KCNK2: variants seen among roughly 807,000 people sequenced by gnomAD.
KCNK2 encodes potassium two pore domain channel subfamily K member 2.
KCNK2 carries 21 observed loss-of-function variants against 40.5 expected under a neutral mutation model. The ratio of observed to expected loss-of-function variants is 0.52; its 90% CI spans 0.37 to 0.75. KCNK2 has a LOEUF of 0.75. Ranked by LOEUF, KCNK2 falls within the 30% of genes least tolerant of loss-of-function variation. The probability of loss-of-function intolerance (pLI) is 0.00; values close to 1 mark genes in which losing one functional copy is unlikely to be tolerated. For synonymous variants in KCNK2, 191 were observed against 202.2 expected (o/e 0.94, Z 0.47); for missense variants, 399 against 531.6 (o/e 0.75, Z 2.45).
rs76793973 is a variant in KCNK2, at chr1:215,073,256, C to T, written c.35-13112C>T. Among the ~76,000 whole-genome samples the T allele has an allele frequency of 5.3e-4, 81 of 152,246 alleles. No individual in the cohort carries two copies. In the East Asian group the frequency reaches 0.01, roughly 20 times the overall value. On this transcript the variant is annotated intron_variant, in intron 1 of 6. Coordinates refer to the KCNK2 transcript ENST00000391895. ...ACACCTGAATTCCTGACTTCTACTC[C>T]GCAGACCACATGTTTCTGTTACTTC...
At chr1:215,120,465 C>T (rs886484888) in intron 2 of KCNK2, among the ~76,000 whole-genome samples, 21 of 152,078 alleles carry the variant, frequency 1.4e-4, no homozygotes, top group African/African-American at 3.4e-4. Flanking sequence ...AAGAAATGTA[C>T]GTAAAATCTA....
At chr1:215,231,844 G>C (rs1347452684) in intron 6 of KCNK2, among the ~76,000 whole-genome samples, 1 of 152,152 alleles carries the variant, frequency 6.6e-6, no homozygotes, top group Non-Finnish European at 1.5e-5. Context: ...AGAGCAAAGG[G>C]ACTTCTTACG....
intron 6 of KCNK2, among the ~76,000 whole-genome samples, chr1:215,199,233 G>A (rs924406045): frequency 9.2e-5 from 14 of 151,848 alleles, no homozygotes; most frequent in South Asian, 2.1e-4. Context: ...GCTTGGACCC[G>A]GGGAGGCAGA....
At chr1:215,197,227 G>C (rs1015244) in intron 6 of KCNK2, among the ~76,000 whole-genome samples, 14,396 of 152,200 alleles carry the variant, frequency 0.095, 1,058 homozygotes, top group African/African-American at 0.21. Flanking sequence ...CTGGGTCAAA[G>C]AATTAGCATA....
intron 1 of KCNK2, among the ~76,000 whole-genome samples, chr1:215,049,485 T>C (rs182875254): frequency 9.9e-5 from 15 of 152,276 alleles, no homozygotes; most frequent in African/African-American, 3.4e-4. Context: ...TGAACAAAAG[T>C]TGATAATTTT....
At chr1:215,078,221 C>A (rs1558079564), upstream of KCNK2, among the ~76,000 whole-genome samples, 1 of 152,196 alleles carries the variant, frequency 6.6e-6, no homozygotes, top group African/African-American at 2.4e-5. Flanking sequence ...CTGCAGGCCG[C>A]AGGCTGGACA....
intron 6 of KCNK2, among the ~76,000 whole-genome samples, chr1:215,208,205 T>C (rs1484626947): frequency 6.6e-6 from 1 of 152,160 alleles, no homozygotes; most frequent in Non-Finnish European, 1.5e-5. Context: ...ATGTCTTTTG[T>C]GGGAACATGG....
At position 215,086,641 on chromosome 1, in the gene KCNK2, C is replaced by G; in HGVS notation, c.320C>G (p.Ser107Cys). The stretch of plus-strand genomic sequence containing the variant: ...AAGCAAACATTCATATCCCAACATT[C>G]CTGTGTCAATTCGACGGAGCTGGAT... ...IQKQTFISQH[S>C]CVNSTELDEL... Residue 107 changes from serine to cysteine, a missense_variant, in exon 2 of 7, where the codon TCC (serine) becomes TGC (cysteine). Ser to Cys is a moderately radical substitution (Grantham distance 112). Around this residue, in one of 3 missense-constraint regions of KCNK2, gnomAD observed 279 missense variants for 353.8 expected, o/e 0.79. Coordinates refer to ENST00000444842, the MANE Select transcript of KCNK2 (RefSeq NM_001017425.3). 6.2e-7 allele frequency: 1 copy of G among 1,614,132 alleles called. No individual in the cohort carries two copies. The highest frequency in any genetic ancestry group is 1.3e-5 in the African/African-American group (1 of 75,050).
chr1:215,112,843 G>A lies in KCNK2; in HGVS notation c.358-11790G>A, dbSNP rs1339431936. 2.6e-5 allele frequency among the ~76,000 whole-genome samples: 4 copies of A among 152,242 alleles called. No homozygotes were observed. The East Asian group carries it at 7.7e-4, about 29-fold the overall frequency. On this transcript the variant is annotated intron_variant, in intron 2 of 6. Transcript: ENST00000444842. ...TAGCCTAGGTGTGCAGTAGGCTATC[G>A]CATCTAGGTTTGTGGAAGTACTCTC...
chr1:215,065,483 T>G (rs1214733304), intron 1 of KCNK2, among the ~76,000 whole-genome samples: 1 of 152,266 alleles, frequency 6.6e-6, no homozygotes, highest in Admixed American at 6.5e-5. Flanking sequence ...ATTGGAGCAT[T>G]TAGGACCTCA....
chr1:215,051,785 A>G (rs1657999069), intron 1 of KCNK2, among the ~76,000 whole-genome samples: 1 of 152,176 alleles, frequency 6.6e-6, no homozygotes, highest in Admixed American at 6.5e-5. Context: ...AATCATGTCA[A>G]GAAAGTAGTA....
chr1:215,210,372 G>T (rs1468272912), intron 6 of KCNK2, among the ~76,000 whole-genome samples: 2 of 151,554 alleles, frequency 1.3e-5, no homozygotes. Context: ...AGCAGGGCAG[G>T]GTAAGAATTG....
At chr1:215,066,608 C>T (rs909787455) in intron 1 of KCNK2, among the ~76,000 whole-genome samples, 1 of 152,152 alleles carries the variant, frequency 6.6e-6, no homozygotes, top group African/African-American at 2.4e-5. Flanking sequence ...TTCAAGCCTG[C>T]CTCTCATTTC....
intron 3 of KCNK2, among the ~76,000 whole-genome samples, chr1:215,159,993 T>G (rs1480046700): frequency 6.6e-6 from 1 of 152,146 alleles, no homozygotes; most frequent in African/African-American, 2.4e-5. Flanking sequence ...CTGCCCTCCA[T>G]TCTTCAAAAA....
At chr1:215,206,270 C>A (rs1665311354) in intron 6 of KCNK2, among the ~76,000 whole-genome samples, 1 of 152,042 alleles carries the variant, frequency 6.6e-6, no homozygotes, top group Non-Finnish European at 1.5e-5. Flanking sequence ...CAATGCATAT[C>A]AAAGCATTCA....
chr1:215,124,603 G>T, intron 2 of KCNK2, 30 bp from the exon 3 acceptor site: 1 of 1,270,524 alleles, frequency 7.9e-7, no homozygotes, highest in Non-Finnish European at 1.2e-6. Context: ...TGATTCATGT[G>T]TACTGATAAA....
At chr1:215,030,896 T>C (rs1657166062) in intron 1 of KCNK2, among the ~76,000 whole-genome samples, 1 of 152,060 alleles carries the variant, frequency 6.6e-6, no homozygotes, top group African/African-American at 2.4e-5. Flanking sequence ...TTACATTCGG[T>C]TCTGTGATTT....
chr1:215,216,786 T>G (rs1665982498), intron 6 of KCNK2, among the ~76,000 whole-genome samples: 1 of 152,154 alleles, frequency 6.6e-6, no homozygotes. Context: ...TCAAAATCGG[T>G]GTGTATGTTA....
chr1:215,070,586 C>A (rs1658719753), intron 1 of KCNK2, among the ~76,000 whole-genome samples: 1 of 152,082 alleles, frequency 6.6e-6, no homozygotes, highest in Admixed American at 6.6e-5. Context: ...CCCTTCATAA[C>A]ACCATCAGAT....
Sources: allele counts gnomAD v4.1 joint callset (sites outside exome capture counted in the v4.1 genomes callset), GRCh38; gene constraint gnomAD v4.1.1; regional missense constraint gnomAD v4.1.1; transcripts MANE v1.5; gene names NCBI Gene and HGNC (gene_info 2026-07-23, HGNC 2026-07-21).